The following SAMD5 variants were observed in gnomAD, a reference collection of about 807,000 sequenced individuals.
SAMD5 encodes the protein sterile alpha motif domain containing 5.
SAMD5 carries 13 observed loss-of-function variants against 11.3 expected under a neutral mutation model. The observed-to-expected ratio is 1.15, with a 90% CI of 0.75 to 1.83. The LOEUF is 1.83. Among genes scored for constraint, SAMD5 ranks in the 40% most tolerant of loss-of-function variants. The pLI, the probability that SAMD5 is intolerant of heterozygous loss-of-function variation, is 0.00. For synonymous variants in SAMD5, 129 were observed against 111.3 expected (o/e 1.16, Z -1.00); for missense variants, 255 against 239.1 (o/e 1.07, Z -0.44).
intron 1 of SAMD5, among the ~76,000 whole-genome samples, chr6:147,592,922 G>C (rs1323961153): frequency 6.6e-6 from 1 of 152,108 alleles, no homozygotes; most frequent in Non-Finnish European, 1.5e-5. Flanking sequence ...TTAAGCCAGA[G>C]AACGCTCCTA....
At chr6:147,652,646 C>T (rs1790502382) in intron 1 of SAMD5, among the ~76,000 whole-genome samples, 1 of 152,170 alleles carries the variant, frequency 6.6e-6, no homozygotes, top group Non-Finnish European at 1.5e-5. Flanking sequence ...TGTATTCACT[C>T]CTGAATATGT....
chr6:147,928,988 T>TC, the SAMD5 span, among the ~76,000 whole-genome samples: 6 of 151,890 alleles, frequency 4.0e-5, no homozygotes, highest in Non-Finnish European at 7.4e-5. Flanking sequence ...GTTTTTTTTT[T>TC]AGTCTTGACT....
At chr6:147,931,882 A>C in the SAMD5 span, among the ~76,000 whole-genome samples, 1 of 152,210 alleles carries the variant, frequency 6.6e-6, no homozygotes, top group Non-Finnish European at 1.5e-5. Flanking sequence ...GATATATTGC[A>C]TAGAAATATA....
chr6:147,878,045 A>G, the SAMD5 span, among the ~76,000 whole-genome samples: 24 of 151,896 alleles, frequency 1.6e-4, no homozygotes, highest in East Asian at 4.1e-3. Context: ...CCAAAGTGCT[A>G]GGATTACATG....
rs1674434571 is a variant in SAMD5, at chr6:147,568,227, AG to A, written c.*3772del. ...GATCGGCAAACTCTTTTCTATGAAA[AG>A]AAAAACCAGATATACCAGGGACTGG... On this transcript the variant is annotated 3_prime_UTR_variant, in exon 2 of 2. Coordinates refer to ENST00000367474, the MANE Select transcript of SAMD5 (RefSeq NM_001030060.3). The A allele has an allele frequency of 7.1e-6, 7 of 985,332 alleles. No individual in the cohort carries two copies. The highest frequency in any genetic ancestry group is 7.2e-6 in the Non-Finnish European group (6 of 829,936). 61.0% of individuals were successfully genotyped at this position (985,332 alleles called of 1,614,324 possible). A position where few individuals can be genotyped will look rare whatever the true frequency, so the allele number is the denominator to read the frequency against.
At chr6:147,913,278 C>A in the SAMD5 span, among the ~76,000 whole-genome samples, 2 of 152,222 alleles carry the variant, frequency 1.3e-5, no homozygotes, top group South Asian at 4.1e-4. Context: ...TCCTCAGTAT[C>A]GGGCAGATAG....
chr6:147,696,282 G>A (rs1277961812), intron 1 of SAMD5, among the ~76,000 whole-genome samples: 2 of 152,124 alleles, frequency 1.3e-5, no homozygotes, highest in Non-Finnish European at 2.9e-5. Context: ...TTGGGTGGGG[G>A]ATTACCTAAT....
intron 1 of SAMD5, among the ~76,000 whole-genome samples, chr6:147,590,853 C>T (rs1789441987): frequency 6.6e-6 from 1 of 152,124 alleles, no homozygotes; most frequent in East Asian, 1.9e-4. Context: ...ATCTGTTTTC[C>T]TGTAAGAAGT....
chr6:147,857,717 T>C, the SAMD5 span, among the ~76,000 whole-genome samples: 1 of 152,192 alleles, frequency 6.6e-6, no homozygotes, highest in Non-Finnish European at 1.5e-5. Flanking sequence ...AATATCTTTA[T>C]TAGGAATCAA....
chr6:147,769,905 G>T, the SAMD5 span, among the ~76,000 whole-genome samples: 1 of 152,200 alleles, frequency 6.6e-6, no homozygotes, highest in Non-Finnish European at 1.5e-5. Flanking sequence ...TTGAAATGGC[G>T]CAGAGTGTGC....
chr6:147,623,290 C>A (rs760836749), intron 1 of SAMD5, among the ~76,000 whole-genome samples: 2 of 152,260 alleles, frequency 1.3e-5, no homozygotes, highest in Non-Finnish European at 2.9e-5. Flanking sequence ...TAGCTATTCT[C>A]TTCCAGTAAT....
chr6:147,782,956 A>G, the SAMD5 span, among the ~76,000 whole-genome samples: 1 of 152,298 alleles, frequency 6.6e-6, no homozygotes, highest in Admixed American at 6.5e-5. Context: ...TTGTGTCTGT[A>G]ATTGAAGTCT....
chr6:147,768,144 G>A, the SAMD5 span, among the ~76,000 whole-genome samples: 15 of 152,218 alleles, frequency 9.9e-5, no homozygotes, highest in Middle Eastern at 0.02. Context: ...TTTGGTGATG[G>A]TATATACAGC....
intron 1 of SAMD5, among the ~76,000 whole-genome samples, chr6:147,594,100 G>T (rs917501150): frequency 1.3e-5 from 2 of 152,170 alleles, no homozygotes; most frequent in Admixed American, 6.5e-5. Context: ...CTGCACTCCA[G>T]CCTGGGTGAC....
Position 147,665,278 on chromosome 6 carries a change from C to T in SAMD5, c.163-72039C>T, listed in dbSNP as rs527776966. Among the ~76,000 whole-genome samples the T allele has an allele frequency of 2.6e-5, 4 of 152,174 alleles. No homozygotes were observed. In the South Asian group the frequency reaches 6.2e-4, roughly 24 times the overall value. On this transcript the variant is annotated intron_variant, in intron 1 of 1. Coordinates refer to the SAMD5 transcript ENST00000566741. ...ATATATATCAGTCAAATAAATCCTA[C>T]GAGGTATCCTATCAATGAATGTTTT...
chr6:147,540,754 C>A (rs1788586952), intron 1 of SAMD5, among the ~76,000 whole-genome samples: 2 of 143,410 alleles, frequency 1.4e-5, no homozygotes, highest in Non-Finnish European at 3.0e-5. Context: ...GTGACATTTA[C>A]TGTTTACCCA....
intron 1 of SAMD5, among the ~76,000 whole-genome samples, chr6:147,554,505 C>T (rs1424582750): frequency 6.6e-6 from 1 of 152,226 alleles, no homozygotes; most frequent in Non-Finnish European, 1.5e-5. Context: ...ATATGGCAGG[C>T]TGGCTGCACT....
chr6:147,664,653 T>G (rs2128454784), intron 1 of SAMD5, among the ~76,000 whole-genome samples: 1 of 152,310 alleles, frequency 6.6e-6, no homozygotes, highest in South Asian at 2.1e-4. Flanking sequence ...CTGAATACCG[T>G]ATGTAAATTT....
the SAMD5 span, among the ~76,000 whole-genome samples, chr6:147,860,792 T>G: frequency 2.0e-5 from 3 of 152,374 alleles, no homozygotes; most frequent in Non-Finnish European, 4.4e-5. Context: ...TAGCTTGTTT[T>G]GTCAAAACCT....
Sources: allele counts gnomAD v4.1 joint callset (sites outside exome capture counted in the v4.1 genomes callset), GRCh38; gene constraint gnomAD v4.1.1; transcripts MANE v1.5; gene names NCBI Gene and HGNC (gene_info 2026-07-23, HGNC 2026-07-21).